Variants in RBMS1 observed in about 807,000 individuals in gnomAD.
RBMS1 encodes RNA binding motif single stranded interacting protein 1.
RBMS1 carries 17 observed loss-of-function variants against 62.3 expected under a neutral mutation model. The observed-to-expected ratio is 0.27, with a 90% confidence interval of 0.19 to 0.41. The LOEUF (loss-of-function observed/expected upper bound fraction) is 0.41, where lower values mean the gene tolerates loss of function less well. RBMS1 is among the 10% of genes least tolerant of loss of function. The pLI is 1.00. For synonymous variants in RBMS1, 172 were observed against 170.0 expected (o/e 1.01, Z -0.09); for missense variants, 334 against 504.5 (o/e 0.66, Z 3.24).
At chr2:160,293,304 T>C (rs1688772858) in intron 6 of RBMS1, among the ~76,000 whole-genome samples, 1 of 152,202 alleles carries the variant, frequency 6.6e-6, no homozygotes. Flanking sequence ...GCCCTCATAA[T>C]ATCACTATAC....
chr2:160,465,834 C>CCTCCCCA (rs1352148194), intron 1 of RBMS1, among the ~76,000 whole-genome samples: 3 of 131,858 alleles, frequency 2.3e-5, no homozygotes, highest in Non-Finnish European at 5.0e-5. Context: ...AGAGCTACAC[C>CCTCCCCA]CTCCCCACAC....
chr2:160,386,164 AC>A (rs1694562910), intron 1 of RBMS1, among the ~76,000 whole-genome samples: 1 of 152,230 alleles, frequency 6.6e-6, no homozygotes, highest in African/African-American at 2.4e-5. Context: ...TTATAGTCAA[AC>A]CAAATACTTT....
At chr2:160,436,558 G>C (rs1367544053) in intron 1 of RBMS1, among the ~76,000 whole-genome samples, 1 of 152,112 alleles carries the variant, frequency 6.6e-6, no homozygotes, top group Non-Finnish European at 1.5e-5. Context: ...AAAGTTTTGG[G>C]TTGATATGTT....
At position 160,284,798 on chromosome 2, in the gene RBMS1, C is replaced by A. The variant is rs771701625; in HGVS notation, c.877G>T (p.Ala293Ser). Residue 293 changes from alanine to serine, a missense_variant, in exon 9 of 14, where the codon GCA becomes TCA. This residue lies in a region of RBMS1 where 182 missense variants were observed against 257.7 expected (regional missense o/e 0.71). Transcript: ENST00000348849. ...ITQTSITPYI[A>S]SPVSAYQVQS... The stretch of plus-strand genomic sequence containing the variant: ...ACCTGGTAGGCAGATACAGGAGATG[C>A]AATATAGGGTGTAATAGAAGTTTGA... 8.1e-6 allele frequency: 13 copies of A among 1,604,852 alleles called. No homozygotes were observed. The African/African-American group carries it at 9.4e-5, about 12-fold the overall frequency.
At chr2:160,347,317 C>T (rs1375811799) in intron 2 of RBMS1, among the ~76,000 whole-genome samples, 2 of 152,102 alleles carry the variant, frequency 1.3e-5, no homozygotes, top group African/African-American at 2.4e-5. Flanking sequence ...AACAACTTTA[C>T]CACCAAAGCA....
intron 3 of RBMS1, 152 bp downstream of exon 3, chr2:160,318,017 A>G: frequency 8.7e-7 from 1 of 1,154,842 alleles, no homozygotes; most frequent in Non-Finnish European, 1.1e-6. Flanking sequence ...AATGTAAGTA[A>G]TATGCTGACA....
intron 6 of RBMS1, among the ~76,000 whole-genome samples, chr2:160,289,493 C>G (rs1688571334): frequency 6.6e-6 from 1 of 152,202 alleles, no homozygotes; most frequent in Non-Finnish European, 1.5e-5. Context: ...AAAATTCTAA[C>G]AGCTTTCCTC....
At chr2:160,304,522 T>A (rs550177829) in intron 4 of RBMS1, among the ~76,000 whole-genome samples, 2 of 152,318 alleles carry the variant, frequency 1.3e-5, no homozygotes, top group South Asian at 4.1e-4. Context: ...GACATTTCAG[T>A]TAATGGCGGA....
chr2:160,365,804 A>C (rs1014015128), intron 2 of RBMS1, among the ~76,000 whole-genome samples: 2 of 152,178 alleles, frequency 1.3e-5, no homozygotes, highest in African/African-American at 4.8e-5. Context: ...CGCTGCAAAA[A>C]CATAAGACAA....
chr2:160,299,238 G>A (rs1291426350), intron 6 of RBMS1, among the ~76,000 whole-genome samples: 1 of 152,206 alleles, frequency 6.6e-6, no homozygotes, highest in African/African-American at 2.4e-5. Context: ...ATGAGAAGGT[G>A]CTGTAAGGAA....
intron 1 of RBMS1, among the ~76,000 whole-genome samples, chr2:160,376,779 G>A (rs1338366049): frequency 6.6e-6 from 1 of 151,818 alleles, no homozygotes; most frequent in Non-Finnish European, 1.5e-5. Flanking sequence ...GGGACAATAG[G>A]AGCATGCCAT....
chr2:160,449,709 G>A (rs1266824217), intron 1 of RBMS1, among the ~76,000 whole-genome samples: 1 of 152,036 alleles, frequency 6.6e-6, no homozygotes, highest in African/African-American at 2.4e-5. Context: ...AGGGTCCTCT[G>A]CCTAGGAAAA....
intron 1 of RBMS1, among the ~76,000 whole-genome samples, chr2:160,369,455 A>T (rs1423528039): frequency 6.6e-5 from 10 of 152,230 alleles, no homozygotes; most frequent in Admixed American, 6.5e-4. Context: ...GGTGCTGGAA[A>T]GTAGCCCACA....
At chr2:160,482,905 C>CCACA (rs1174912565) in intron 1 of RBMS1, among the ~76,000 whole-genome samples, 1 of 152,152 alleles carries the variant, frequency 6.6e-6, no homozygotes, top group Non-Finnish European at 1.5e-5. Flanking sequence ...TATCGTCAGA[C>CCACA]CACACAGTCA....
chr2:160,421,149 T>C (rs181928827), intron 1 of RBMS1, among the ~76,000 whole-genome samples: 1 of 151,848 alleles, frequency 6.6e-6, no homozygotes, highest in Admixed American at 6.6e-5. Context: ...TTTTTCTTTT[T>C]TTTTTTATTA....
intron 1 of RBMS1, among the ~76,000 whole-genome samples, chr2:160,475,713 G>T (rs1257051978): frequency 6.6e-6 from 1 of 152,146 alleles, no homozygotes; most frequent in African/African-American, 2.4e-5. Context: ...TAGGTCCTTA[G>T]AAACCCTGAG....
At chr2:160,335,354 C>A (rs567673190) in intron 2 of RBMS1, among the ~76,000 whole-genome samples, 5 of 152,088 alleles carry the variant, frequency 3.3e-5, no homozygotes, top group African/African-American at 1.2e-4. Context: ...TGGCAGCATC[C>A]GATTCACCAA....
chr2:160,486,807 A>G lies in RBMS1; in HGVS notation c.75+6482T>C, dbSNP rs372108718. Among the ~76,000 whole-genome samples the G allele has an allele frequency of 9.9e-5, 15 of 151,096 alleles. No individual in the cohort carries two copies. The East Asian group carries it at 1.2e-3, about 12-fold the overall frequency. ...TAAATGTGTAGATTGCAGGCAAGCA[A>G]TGATCTAATTAGCAGCATTACAAAC... On this transcript the variant is annotated intron_variant, in intron 1 of 13. Coordinates refer to ENST00000348849, the MANE Select transcript of RBMS1 (RefSeq NM_016836.4).
At chr2:160,313,591 T>A (rs1354150006) in intron 3 of RBMS1, among the ~76,000 whole-genome samples, 4 of 151,190 alleles carry the variant, frequency 2.6e-5, no homozygotes, top group Admixed American at 2.6e-4. Context: ...AGAAAAAAAA[T>A]AATCAACTTC....
Sources: allele counts gnomAD v4.1 joint callset (sites outside exome capture counted in the v4.1 genomes callset), GRCh38; gene constraint gnomAD v4.1.1; regional missense constraint gnomAD v4.1.1; transcripts MANE v1.5; gene names NCBI Gene and HGNC (gene_info 2026-07-23, HGNC 2026-07-21).